Variants in ASAP2 observed in about 807,000 individuals in gnomAD.
ASAP2 encodes the protein arf-GAP with SH3 domain, ANK repeat and PH domain-containing protein 2.
In ASAP2, 45 loss-of-function variants were observed where a neutral mutation model predicts 131.4. The observed-to-expected ratio is 0.34, with a 90% CI of 0.27 to 0.44. ASAP2 has a LOEUF of 0.44. Ranked by LOEUF, ASAP2 falls within the 20% of genes least tolerant of loss-of-function variation. The pLI is 1.00. For synonymous variants in ASAP2, 510 were observed against 503.0 expected, an observed-to-expected ratio of 1.01 and a Z score of -0.19; for missense variants, 1,011 against 1,297.0, an observed-to-expected ratio of 0.78 and a Z score of 3.39.
intron 1 of ASAP2, among the ~76,000 whole-genome samples, chr2:9,246,216 G>A (rs962823869): frequency 6.6e-6 from 1 of 152,216 alleles, no homozygotes; most frequent in Non-Finnish European, 1.5e-5. Flanking sequence ...AAAACAGGTG[G>A]ACGGAACCAA....
At chr2:9,399,830 C>A (rs555485356) in intron 24 of ASAP2, 193 bp from the exon 25 acceptor site, 8 of 609,316 alleles carry the variant, frequency 1.3e-5, no homozygotes, top group Non-Finnish European at 2.3e-5. Context: ...GGATCAGAAA[C>A]GTTGAATTTA....
In ASAP2 at chr2:9,271,737, G is replaced by C. The variant is rs563895249; in HGVS notation, c.127-7580G>C. ...CCAAGGGGGAGGCTGCTGAGTCCTC[G>C]GCAGTGGCTCAGTGACTGGGGTGGT... On this transcript the variant is annotated intron_variant, in intron 1 of 27. Transcript: ENST00000281419. 42 of 425,894 alleles carry C rather than the reference G, an allele frequency of 9.9e-5. No homozygotes were observed. In the South Asian group the frequency reaches 3.4e-3, roughly 35 times the overall value. 26.4% of individuals were successfully genotyped at this position (425,894 alleles called of 1,614,324 possible).
chr2:9,400,947 G>C, intron 26 of ASAP2, 117 bp downstream of exon 26: 1 of 1,084,640 alleles, frequency 9.2e-7, no homozygotes, highest in East Asian at 2.6e-5. Context: ...GCAGGGCGGG[G>C]CTCTTCTTGG....
In ASAP2 at chr2:9,232,755, G is replaced by A. The variant is rs1663260469; in HGVS notation, c.126+25525G>A. Among the ~76,000 whole-genome samples the A allele has an allele frequency of 6.6e-6, 1 of 152,186 alleles. No homozygotes were observed. The highest frequency in any genetic ancestry group is 2.4e-5 in the African/African-American group (1 of 41,442). On this transcript the variant is annotated intron_variant, in intron 1 of 27. Coordinates refer to ENST00000281419, the MANE Select transcript of ASAP2 (RefSeq NM_003887.3). The surrounding 1 kb of genome is among the most constrained non-coding windows in gnomAD (Gnocchi z 4.1). ...GCAGGGAGTGAGACATGCTGTTGCC[G>A]GAGCTCTGGTGTCATTGGTTCATAG...
intron 7 of ASAP2, among the ~76,000 whole-genome samples, chr2:9,328,993 C>G (rs937179871): frequency 6.6e-6 from 1 of 152,188 alleles, no homozygotes; most frequent in Non-Finnish European, 1.5e-5. Context: ...TTCCCTGATA[C>G]AGTCTCCAAC....
chr2:9,223,645 A>G (rs1028629350), intron 1 of ASAP2, among the ~76,000 whole-genome samples: 2 of 152,320 alleles, frequency 1.3e-5, no homozygotes, highest in East Asian at 1.9e-4. Flanking sequence ...ATGACCCCCA[A>G]TGAAGTAGAA....
intron 12 of ASAP2, 109 bp from the exon 13 acceptor site, chr2:9,355,938 G>T (rs923196636): frequency 2.2e-6 from 3 of 1,348,350 alleles, no homozygotes; most frequent in Non-Finnish European, 2.1e-6. Context: ...CAGTAATTTC[G>T]TAACAGAGAG....
Position 9,207,128 on chromosome 2 carries a change from G to A in ASAP2, c.24G>A (p.Ser8=). The change falls in exon 1 of 28, where the codon TCG becomes TCA. Residue 8 remains serine (S), a synonymous_variant. Transcript: ENST00000281419. This position sits in a 1 kb window ranked among gnomAD's most constrained non-coding sequence, Gnocchi z 4.1. ...CGATGCCGGACCAGATCTCCGTGTC[G>A]GAATTCGTGGCCGAGACCCATGAGG... The part of the protein sequence containing the change: MPDQISV[S]EFVAETHEDY... The A allele has an allele frequency of 1.3e-6, 2 of 1,596,716 alleles. No individual in the cohort carries two copies. The highest frequency in any genetic ancestry group is 2.2e-5 in the South Asian group (2 of 89,102).
Position 9,389,338 on chromosome 2 carries a change from A to G in ASAP2, c.2383+792A>G, listed in dbSNP as rs1675542754. On this transcript the variant is annotated intron_variant, in intron 22 of 27. Transcript: ENST00000281419. The surrounding 1 kb of genome is among the most constrained non-coding windows in gnomAD (Gnocchi z 4.7). ...GACTTTGATGCGGGGCGGGGGGCCC[A>G]GGAAGGACAAGAGTCTGCACAGAGC... Among the ~76,000 whole-genome samples the G allele has an allele frequency of 6.6e-6, 1 of 152,228 alleles. No homozygotes were observed. Among genetic ancestry groups the G allele is most frequent in the African/African-American group, 2.4e-5 (1 of 41,464 alleles).
intron 1 of ASAP2, among the ~76,000 whole-genome samples, chr2:9,223,860 A>G (rs930946889): frequency 8.5e-5 from 13 of 152,172 alleles, no homozygotes; most frequent in African/African-American, 3.1e-4. Context: ...GAATCCTTGC[A>G]GGTCTCACTA....
Position 9,320,469 on chromosome 2 carries a change from G to C in ASAP2, c.470+132G>C, listed in dbSNP as rs1397114819. 1.0e-5 allele frequency: 7 copies of C among 668,510 alleles called. No homozygotes were observed. In the African/African-American group the frequency reaches 1.1e-4, roughly 10 times the overall value. 41.4% of individuals were successfully genotyped at this position (668,510 alleles called of 1,614,324 possible). On this transcript the variant is annotated intron_variant, in intron 5 of 27. Transcript: ENST00000281419. ...AAGAATGTTTATCAGCCATGTTGCT[G>C]TGGTTCATTTTGATGACAGATGTGT...
intron 2 of ASAP2, among the ~76,000 whole-genome samples, chr2:9,284,116 T>C (rs550111054): frequency 1.6e-4 from 24 of 152,360 alleles, no homozygotes; most frequent in African/African-American, 5.8e-4. Context: ...TTAGCAACTG[T>C]ATTTCATCCA....
intron 14 of ASAP2, among the ~76,000 whole-genome samples, chr2:9,356,675 G>T (rs1036104923): frequency 3.3e-5 from 5 of 152,202 alleles, no homozygotes; most frequent in African/African-American, 1.2e-4. Context: ...GAGGCTGCAT[G>T]TGGATGGGCT....
At chr2:9,285,387 G>A (rs1477916744) in intron 2 of ASAP2, among the ~76,000 whole-genome samples, 2 of 152,076 alleles carry the variant, frequency 1.3e-5, no homozygotes, top group African/African-American at 2.4e-5. Flanking sequence ...GGACAAAAGG[G>A]TATCTGCATG....
chr2:9,241,567 C>T (rs943727502), intron 1 of ASAP2, among the ~76,000 whole-genome samples: 3 of 152,158 alleles, frequency 2.0e-5, no homozygotes, highest in African/African-American at 7.2e-5. Context: ...CATGGCGAAA[C>T]CCCATCTTTT....
chr2:9,379,029 C>T lies in ASAP2; in HGVS notation c.1918C>T (p.Leu640Phe). The T allele has an allele frequency of 6.3e-7, 1 of 1,576,678 alleles. No homozygotes were observed. The highest frequency in any genetic ancestry group is 8.6e-7 in the Non-Finnish European group (1 of 1,160,702). ...CGACAATGCCGAGTGCCTCAAGTTGCTCCTGCGGGGGAAGGCCTCCATCGA... is the reference window on the plus strand; with the variant it reads ...CGACAATGCCGAGTGCCTCAAGTTGTTCCTGCGGGGGAAGGCCTCCATCGA... ...LTDNAECLKL[L>F]LRGKASIEIA... The change falls in exon 19 of 28, where the codon CTC becomes TTC. Residue 640 changes from leucine to phenylalanine, a missense_variant. Around this residue, in one of 2 missense-constraint regions of ASAP2, gnomAD observed 652 missense variants for 698.9 expected, o/e 0.93. Coordinates refer to ENST00000281419, the MANE Select transcript of ASAP2 (RefSeq NM_003887.3).
chr2:9,374,595 C>T (rs767952216), intron 16 of ASAP2, among the ~76,000 whole-genome samples, 160 bp from the exon 17 acceptor site: 17 of 152,326 alleles, frequency 1.1e-4, no homozygotes, highest in Middle Eastern at 3.4e-3. Flanking sequence ...CCAGTGCAGC[C>T]GTAGAACCAC....
rs116061603 is a variant in ASAP2, at chr2:9,289,460, G to A, written c.200-7840G>A. On this transcript the variant is annotated intron_variant, in intron 2 of 27. Coordinates refer to ENST00000281419, the MANE Select transcript of ASAP2 (RefSeq NM_003887.3). The stretch of plus-strand genomic sequence containing the variant: ...TAGTAACCAGAAATATTCTTGACCC[G>A]TAATGGAAGCACACAATGAATGAAT... Among the ~76,000 whole-genome samples the A allele has an allele frequency of 2.7e-3, 415 of 152,166 alleles. 1 individual carries two copies. The highest frequency in any genetic ancestry group is 9.5e-3 in the African/African-American group (395 of 41,502).
rs145896690 is a variant in ASAP2, at chr2:9,295,718, T to C, written c.200-1582T>C. On this transcript the variant is annotated intron_variant, in intron 2 of 27. Coordinates refer to ENST00000281419, the MANE Select transcript of ASAP2 (RefSeq NM_003887.3). Reference sequence around the variant, plus strand: ...TGCTGAATCTGGTCTCAGAAATTCATTTAATTTATCTAGAACTCTCAGGCT... The same window carrying C: ...TGCTGAATCTGGTCTCAGAAATTCACTTAATTTATCTAGAACTCTCAGGCT... Among the ~76,000 whole-genome samples the C allele has an allele frequency of 2.2e-3, 328 of 152,348 alleles. 3 individuals carry two copies. The highest frequency in any genetic ancestry group is 6.9e-3 in the African/African-American group (286 of 41,582).
Sources: allele counts gnomAD v4.1 joint callset (sites outside exome capture counted in the v4.1 genomes callset), GRCh38; gene constraint gnomAD v4.1.1; regional missense constraint gnomAD v4.1.1; non-coding constraint Gnocchi (gnomAD v3.1); transcripts MANE v1.5; gene names NCBI Gene and HGNC (gene_info 2026-07-23, HGNC 2026-07-21).